The following SAMD12 variants were observed in gnomAD, a reference collection of about 807,000 sequenced individuals.
SAMD12 encodes sterile alpha motif domain containing 12, also known as sterile alpha motif domain-containing protein 12.
SAMD12 carries 9 observed loss-of-function variants against 15.0 expected under a neutral mutation model. The ratio of observed to expected loss-of-function variants is 0.60; its 90% confidence interval spans 0.36 to 1.05. SAMD12 has a LOEUF of 1.05. Among genes scored for constraint, SAMD12 ranks in the 50% least tolerant of loss-of-function variants. The probability of loss-of-function intolerance (pLI) is 0.01; values close to 1 mark genes in which losing one functional copy is unlikely to be tolerated. For synonymous variants in SAMD12, 86 were observed against 90.1 expected (o/e 0.96, Z 0.25); for missense variants, 230 against 234.2 (o/e 0.98, Z 0.12).
the SAMD12 span, among the ~76,000 whole-genome samples, chr8:118,151,185 C>G: frequency 6.6e-6 from 1 of 151,340 alleles, no homozygotes; most frequent in Admixed American, 6.6e-5. Context: ...TCTTTTTTTT[C>G]TCTAGCTGCT....
chr8:118,235,186 T>C (rs1812399892), intron 4 of SAMD12, among the ~76,000 whole-genome samples: 1 of 152,142 alleles, frequency 6.6e-6, no homozygotes, highest in East Asian at 1.9e-4. Flanking sequence ...TACATTTATA[T>C]GGTCTTTAAA....
chr8:118,482,790 G>A (rs916705327), intron 2 of SAMD12, among the ~76,000 whole-genome samples: 2 of 152,130 alleles, frequency 1.3e-5, no homozygotes, highest in Non-Finnish European at 2.9e-5. Context: ...CAGGGAACCC[G>A]AAGAGGTCAC....
chr8:118,390,303 C>T (rs1018428263), intron 3 of SAMD12, among the ~76,000 whole-genome samples: 5 of 152,278 alleles, frequency 3.3e-5, no homozygotes, highest in Middle Eastern at 3.4e-3. Flanking sequence ...CCACTGCACC[C>T]GGCCCAAATT....
At chr8:118,431,938 A>G (rs61636365) in intron 3 of SAMD12, among the ~76,000 whole-genome samples, 88,052 of 151,314 alleles carry the variant, frequency 0.58, 26,495 homozygotes, top group Admixed American at 0.66. Flanking sequence ...TGTTGTTTTC[A>G]TTCATTTTAC....
chr8:118,473,755 C>T (rs1823876859), intron 2 of SAMD12, among the ~76,000 whole-genome samples: 2 of 152,156 alleles, frequency 1.3e-5, no homozygotes, highest in Admixed American at 1.3e-4. Context: ...GCTCTCACTG[C>T]TGTCTCTAGA....
At chr8:118,347,737 C>T (rs1347506178) in intron 4 of SAMD12, among the ~76,000 whole-genome samples, 1 of 152,352 alleles carries the variant, frequency 6.6e-6, no homozygotes, top group African/African-American at 2.4e-5. Flanking sequence ...AATGGATAAA[C>T]TTCCATCACT....
At chr8:118,214,856 A>T (rs937283354) in intron 4 of SAMD12, among the ~76,000 whole-genome samples, 1 of 152,202 alleles carries the variant, frequency 6.6e-6, no homozygotes, top group African/African-American at 2.4e-5. Context: ...GAGCGCATGG[A>T]TGTAATAAAC....
chr8:118,189,632 C>G (rs1008752328), exon 5 of SAMD12: 1 of 152,042 alleles, frequency 6.6e-6, no homozygotes, highest in East Asian at 1.9e-4. Context: ...CATTTTTATC[C>G]ATTTTATAAG....
At chr8:118,357,605 CTAAT>C (rs1039716775) in intron 4 of SAMD12, among the ~76,000 whole-genome samples, 58 of 152,214 alleles carry the variant, frequency 3.8e-4, no homozygotes, top group African/African-American at 1.3e-3. Flanking sequence ...GTTAATTAGC[CTAAT>C]TAATCATTCT....
At chr8:118,540,875 C>T (rs1033229627) in intron 2 of SAMD12, among the ~76,000 whole-genome samples, 2 of 152,160 alleles carry the variant, frequency 1.3e-5, no homozygotes, top group African/African-American at 4.8e-5. Flanking sequence ...CACACCCTTC[C>T]ATCAGGCCAT....
At chr8:118,416,786 C>T (rs759751463) in intron 3 of SAMD12, among the ~76,000 whole-genome samples, 32 of 152,192 alleles carry the variant, frequency 2.1e-4, no homozygotes, top group Non-Finnish European at 3.7e-4. Context: ...TCCTTAGCAT[C>T]TATATGTATT....
At chr8:118,175,069 G>A in the SAMD12 span, among the ~76,000 whole-genome samples, 8 of 149,736 alleles carry the variant, frequency 5.3e-5, no homozygotes, top group African/African-American at 9.9e-5. Flanking sequence ...AACAAAAACC[G>A]GGAGGCATCA....
intron 1 of SAMD12, among the ~76,000 whole-genome samples, chr8:118,619,301 C>T (rs1828328512): frequency 6.6e-6 from 1 of 152,004 alleles, no homozygotes; most frequent in Non-Finnish European, 1.5e-5. Flanking sequence ...CATGGTGAAA[C>T]TCCGTCTCTA....
intron 2 of SAMD12, among the ~76,000 whole-genome samples, chr8:118,567,744 G>A (rs1365891560): frequency 1.3e-5 from 2 of 152,186 alleles, no homozygotes; most frequent in Non-Finnish European, 2.9e-5. Flanking sequence ...CATATCTATT[G>A]TAACATTATC....
At chr8:118,387,891 C>T (rs967701489) in intron 3 of SAMD12, among the ~76,000 whole-genome samples, 135 of 152,106 alleles carry the variant, frequency 8.9e-4, no homozygotes, top group African/African-American at 2.9e-3. Flanking sequence ...TGGTGGAGAA[C>T]GACAGGGAAA....
intron 4 of SAMD12, among the ~76,000 whole-genome samples, chr8:118,301,104 G>A (rs1195595216): frequency 6.6e-6 from 1 of 152,122 alleles, no homozygotes; most frequent in African/African-American, 2.4e-5. Context: ...TTAGAAGCAG[G>A]ATTATATAGA....
chr8:118,187,280 G>T (rs4265214), downstream of SAMD12, among the ~76,000 whole-genome samples: 1,767 of 152,132 alleles, frequency 0.012, 43 homozygotes, highest in African/African-American at 0.04. Flanking sequence ...TTCAATATTT[G>T]CACAATGTCT....
At chr8:118,150,976 G>T in the SAMD12 span, among the ~76,000 whole-genome samples, 1 of 152,098 alleles carries the variant, frequency 6.6e-6, no homozygotes, top group African/African-American at 2.4e-5. Flanking sequence ...GAGAGGAGGT[G>T]GGGGGATCAC....
At chr8:118,472,953 G>T (rs1219632991) in intron 2 of SAMD12, among the ~76,000 whole-genome samples, 1 of 151,608 alleles carries the variant, frequency 6.6e-6, no homozygotes, top group Non-Finnish European at 1.5e-5. Context: ...GTATTTCCCA[G>T]TATTTCCCAT....
Sources: gnomAD v4.1 joint callset for allele counts (sites outside exome capture counted in the v4.1 genomes callset) on GRCh38, gnomAD v4.1.1 for gene constraint, MANE v1.5 for transcripts, NCBI Gene and HGNC (gene_info 2026-07-23, HGNC 2026-07-21) for gene names.